AP1B1: variants seen among roughly 807,000 people sequenced by gnomAD.
AP1B1 encodes adaptor related protein complex 1 subunit beta 1.
AP1B1 carries 36 observed loss-of-function variants against 104.3 expected under a neutral mutation model. The observed-to-expected ratio is 0.35, with a 90% CI of 0.26 to 0.46. AP1B1 has a LOEUF of 0.46. Among genes scored for constraint, AP1B1 ranks in the 20% least tolerant of loss-of-function variants. The pLI is 1.00. For synonymous variants in AP1B1, 504 were observed against 517.5 expected, an observed-to-expected ratio of 0.97 and a Z score of 0.35; for missense variants, 901 against 1,247.9, an observed-to-expected ratio of 0.72 and a Z score of 4.19.
chr22:29,340,880 T>G, intron 13 of AP1B1, 23 bp from the exon 14 acceptor site: 1 of 1,575,092 alleles, frequency 6.3e-7, no homozygotes, highest in Non-Finnish European at 8.6e-7. Flanking sequence ...AGAAGTAGGG[T>G]GGAGGCATCA....
chr22:29,354,634 G>A lies in AP1B1; in HGVS notation c.938+16C>T, dbSNP rs1411569425. The A allele has an allele frequency of 3.7e-6, 6 of 1,612,232 alleles. No homozygotes were observed. Among genetic ancestry groups the A allele is most frequent in the Non-Finnish European group, 4.2e-6 (5 of 1,178,438 alleles). ...CCGAGGGGTACGCATGGACGTGCGT[G>A]TGGTGACCTCAGTACCTTTTCTGCA... On this transcript the variant is annotated intron_variant, in intron 7 of 22. Transcript: ENST00000357586.
intron 1 of AP1B1, among the ~76,000 whole-genome samples, chr22:29,375,890 C>T (rs2062332957): frequency 6.6e-6 from 1 of 152,220 alleles, no homozygotes; most frequent in African/African-American, 2.4e-5. Flanking sequence ...ATGCCTACCT[C>T]TCCCCATCCT....
Position 29,330,678 on chromosome 22 carries a change from A to G in AP1B1, c.2556T>C (p.Asp852=). Residue 852 remains aspartate (D), a synonymous_variant, in exon 20 of 23, where the codon GAT becomes GAC. Transcript: ENST00000357586. ...ACTGGGCCTCATTCTCATTGGGAAT[A>G]TCCTTCCATGTGGCCAGGAACATCT... is the stretch of plus-strand genomic sequence containing the variant. The part of the protein sequence containing the change: ...DRQMFLATWK[D]IPNENEAQFQ... 6.2e-7 allele frequency: 1 copy of G among 1,613,664 alleles called. No individual in the cohort carries two copies.
At chr22:29,329,160 G>A (rs1012011584) in intron 22 of AP1B1, 4 of 1,293,818 alleles carry the variant, frequency 3.1e-6, no homozygotes, top group Admixed American at 3.5e-5. Flanking sequence ...TGTGAGTCAC[G>A]AGCCGGAGGC....
intron 1 of AP1B1, among the ~76,000 whole-genome samples, chr22:29,369,316 ATAGATTTT>A (rs2148027063): frequency 6.6e-6 from 1 of 152,282 alleles, no homozygotes; most frequent in Admixed American, 6.5e-5. Context: ...AGAGACACCC[ATAGATTTT>A]GTTTCAGTAA....
chr22:29,358,705 C>T (rs763556092), intron 5 of AP1B1, 21 bp downstream of exon 5: 20 of 1,601,764 alleles, frequency 1.2e-5, no homozygotes, highest in African/African-American at 4.0e-5. Context: ...GGAGGTAGCA[C>T]GGTGGGTGGC....
intron 1 of AP1B1, among the ~76,000 whole-genome samples, chr22:29,384,566 A>C (rs541670016): frequency 1.3e-5 from 2 of 152,168 alleles, no homozygotes; most frequent in South Asian, 4.1e-4. Context: ...GTCTTCGTCA[A>C]GGATTAAAAG....
chr22:29,337,308 C>G (rs1350887058), intron 16 of AP1B1, among the ~76,000 whole-genome samples: 3 of 152,204 alleles, frequency 2.0e-5, no homozygotes. Flanking sequence ...GGAGGACGTG[C>G]TGGCGGTGGC....
intron 1 of AP1B1, among the ~76,000 whole-genome samples, chr22:29,381,077 C>T (rs577935052): frequency 3.3e-5 from 5 of 152,368 alleles, no homozygotes; most frequent in Admixed American, 2.6e-4. Context: ...ACCCCAGGGC[C>T]TTTGCCCGTG....
rs374470929 is a variant in AP1B1, at chr22:29,330,611, C to T, written c.2611+12G>A. The T allele has an allele frequency of 1.2e-5, 19 of 1,613,582 alleles. No individual in the cohort carries two copies. The highest frequency in any genetic ancestry group is 1.4e-5 in the Non-Finnish European group (16 of 1,179,932). On this transcript the variant is annotated intron_variant, in intron 20 of 22. Coordinates refer to ENST00000357586, the MANE Select transcript of AP1B1 (RefSeq NM_001127.4). ...AGGCGAGGGGCTGGGGTCGGGGGCT[C>T]GGAGTCCTCACCTGCATTGAGGGGG... is the stretch of plus-strand genomic sequence containing the variant.
Position 29,347,763 on chromosome 22 carries a change from G to A in AP1B1, c.1437+1455C>T, listed in dbSNP as rs560579610. Among the ~76,000 whole-genome samples, 79 of 152,350 alleles carry A rather than the reference G, an allele frequency of 5.2e-4. 1 individual carries two copies. The Middle Eastern group carries it at 0.01, about 20-fold the overall frequency. ...AGGGCAATCCCAGCATCTGAGATAG[G>A]AGTCTAAACCAGCACAACCTCCACA... On this transcript the variant is annotated intron_variant, in intron 11 of 22. Transcript: ENST00000357586.
intron 5 of AP1B1, 133 bp downstream of exon 5, chr22:29,358,593 C>T (rs1235314349): frequency 7.9e-7 from 1 of 1,268,864 alleles, no homozygotes; most frequent in African/African-American, 1.5e-5. Context: ...CCAAAAGGCA[C>T]AAGAACAACT....
intron 6 of AP1B1, among the ~76,000 whole-genome samples, chr22:29,355,778 T>C (rs2061947165): frequency 6.7e-6 from 1 of 150,244 alleles, no homozygotes; most frequent in African/African-American, 2.5e-5. Flanking sequence ...CAGATGTCTG[T>C]AGTCCCAGCT....
intron 1 of AP1B1, among the ~76,000 whole-genome samples, chr22:29,387,830 A>G (rs2062554098): frequency 1.3e-5 from 2 of 152,186 alleles, no homozygotes; most frequent in Admixed American, 6.5e-5. Flanking sequence ...GTGTCATTGT[A>G]AGGAAAGTGC....
intron 3 of AP1B1, among the ~76,000 whole-genome samples, chr22:29,362,625 G>A (rs1334602208): frequency 7.2e-5 from 11 of 152,144 alleles, no homozygotes; most frequent in Non-Finnish European, 1.5e-4. Context: ...GATTACAGGC[G>A]TGAGCCACCG....
chr22:29,339,774 T>A lies in AP1B1; in HGVS notation c.1999A>T (p.Met667Leu). ...CATACCCCTTCAGGCTCATCCCCCA[T>A]CTCCAAGCAGAAGCAGGCAGGTGAA... ...DLLGGGLDSL[M>L]GDEPEGIGGT... Residue 667 changes from methionine (M) to leucine (L), a missense_variant and splice_region_variant, in exon 15 of 23, where the codon ATG (methionine) becomes TTG (leucine). By Grantham distance (15) the Met-to-Leu change is conservative (BLOSUM62 2). Around this residue, in one of 3 missense-constraint regions of AP1B1, gnomAD observed 424 missense variants for 494.0 expected, o/e 0.86. Transcript: ENST00000357586. 2 of 1,606,616 alleles carry A rather than the reference T, an allele frequency of 1.2e-6. No homozygotes were observed. Among genetic ancestry groups the A allele is most frequent in the South Asian group, 1.1e-5 (1 of 89,908 alleles).
chr22:29,351,043 C>A (rs1185867141), intron 9 of AP1B1, 128 bp downstream of exon 9: 3 of 847,408 alleles, frequency 3.5e-6, no homozygotes, highest in Admixed American at 2.2e-5. Context: ...GCCATGGGGG[C>A]TCCAGTGATG....
chr22:29,350,366 A>G (rs547717726), intron 9 of AP1B1, among the ~76,000 whole-genome samples: 1 of 152,328 alleles, frequency 6.6e-6, no homozygotes. Flanking sequence ...GAGACTGAGG[A>G]GAAGCCAGAG....
Position 29,351,800 on chromosome 22 carries a change from T to C in AP1B1, c.964A>G (p.Lys322Glu). The C allele has an allele frequency of 1.2e-6, 2 of 1,614,216 alleles. No homozygotes were observed. Among genetic ancestry groups the C allele is most frequent in the Non-Finnish European group, 1.7e-6 (2 of 1,180,028 alleles). Residue 322 changes from lysine (K) to glutamate (E), a missense_variant, in exon 8 of 23, where the codon AAG becomes GAG. Coordinates refer to ENST00000357586, the MANE Select transcript of AP1B1 (RefSeq NM_001127.4). ...KRPEILKHEM[K>E]VFFVKYNDPI... The stretch of plus-strand genomic sequence containing the variant: ...TCGTTGTACTTCACGAAGAACACCT[T>C]CATCTCATGCTTCAGGATCTCAGGC...
Sources: allele counts gnomAD v4.1 joint callset (sites outside exome capture counted in the v4.1 genomes callset), GRCh38; gene constraint gnomAD v4.1.1; regional missense constraint gnomAD v4.1.1; transcripts MANE v1.5; gene names NCBI Gene and HGNC (gene_info 2026-07-23, HGNC 2026-07-21).